Variants in ARHGAP10 observed in about 807,000 individuals in gnomAD.
The protein encoded by ARHGAP10 is rho GTPase-activating protein 10.
A neutral mutation model predicts 108.6 loss-of-function variants in ARHGAP10; 87 were observed. The observed-to-expected ratio is 0.80, with a 90% CI of 0.67 to 0.96. The LOEUF is 0.96. Ranked by LOEUF, ARHGAP10 falls within the 40% of genes least tolerant of loss-of-function variation. The pLI, the probability that ARHGAP10 is intolerant of heterozygous loss-of-function variation, is 0.00. For missense variants in ARHGAP10, 939 were observed against 954.5 expected (o/e 0.98, Z 0.21); for synonymous variants, 347 against 341.1 (o/e 1.02, Z -0.19).
At chr4:148,007,349 G>A (rs1740990373) in intron 18 of ARHGAP10, among the ~76,000 whole-genome samples, 1 of 152,204 alleles carries the variant, frequency 6.6e-6, no homozygotes, top group South Asian at 2.1e-4. Flanking sequence ...CTCTGTGGAT[G>A]TCATCAGGGA....
intron 13 of ARHGAP10, among the ~76,000 whole-genome samples, chr4:147,914,720 T>G (rs1317254805): frequency 6.6e-6 from 1 of 152,236 alleles, no homozygotes. Context: ...CCTGGTAGTA[T>G]TCCATTATAT....
At chr4:147,866,650 T>C in intron 6 of ARHGAP10, 62 bp from the exon 7 acceptor site, 1 of 1,239,382 alleles carries the variant, frequency 8.1e-7, no homozygotes, top group South Asian at 1.3e-5. Context: ...TGGTTGTTTA[T>C]ATGATTCTTT....
chr4:147,934,473 G>A (rs1737843976), intron 13 of ARHGAP10, among the ~76,000 whole-genome samples: 1 of 152,192 alleles, frequency 6.6e-6, no homozygotes, highest in African/African-American at 2.4e-5. Context: ...CACCATCTTG[G>A]TGATGCCACT....
intron 18 of ARHGAP10, among the ~76,000 whole-genome samples, chr4:147,968,410 A>C (rs1361075596): frequency 1.3e-5 from 2 of 152,264 alleles, no homozygotes; most frequent in Non-Finnish European, 2.9e-5. Flanking sequence ...TCTTGGGATC[A>C]CAGGCTGCTG....
chr4:147,938,126 C>T (rs1385533251), intron 13 of ARHGAP10, among the ~76,000 whole-genome samples: 3 of 152,148 alleles, frequency 2.0e-5, no homozygotes, highest in African/African-American at 7.2e-5. Flanking sequence ...AAACCAAACA[C>T]TGCATGTTCT....
intron 1 of ARHGAP10, among the ~76,000 whole-genome samples, chr4:147,803,306 G>A (rs1490075024): frequency 2.0e-5 from 3 of 152,162 alleles, no homozygotes; most frequent in African/African-American, 7.2e-5. Flanking sequence ...ACTGCATCCA[G>A]CCTATTTATT....
intron 13 of ARHGAP10, among the ~76,000 whole-genome samples, chr4:147,917,850 G>T (rs537487777): frequency 4.0e-5 from 6 of 150,870 alleles, no homozygotes; most frequent in Admixed American, 4.0e-4. Context: ...TCTTAAAGTC[G>T]CATTTATTAA....
intron 13 of ARHGAP10, among the ~76,000 whole-genome samples, chr4:147,939,318 C>G (rs1304957650): frequency 6.6e-6 from 1 of 152,132 alleles, no homozygotes; most frequent in East Asian, 1.9e-4. Flanking sequence ...TTTGAAGTTT[C>G]ACAGCTCCTC....
intron 1 of ARHGAP10, among the ~76,000 whole-genome samples, chr4:147,821,720 A>C (rs1362758337): frequency 6.6e-6 from 1 of 152,190 alleles, no homozygotes; most frequent in Non-Finnish European, 1.5e-5. Context: ...TTTTATTACC[A>C]TAATATGACT....
chr4:148,052,080 G>A (rs13127241), intron 20 of ARHGAP10, among the ~76,000 whole-genome samples: 22,559 of 152,090 alleles, frequency 0.15, 1,815 homozygotes, highest in South Asian at 0.21. Context: ...ACAGTAAACT[G>A]TGAATGATTT....
rs1403315402 is a variant in ARHGAP10, at chr4:147,788,288, T to TA, written c.155-34430dup. On this transcript the variant is annotated intron_variant, in intron 1 of 22. Transcript: ENST00000336498. ...GGTGAAACCCTGTCTCTATTAAAAA[T>TA]AAAAAAAAATTAGCCAGGTGTGGTG... is the stretch of plus-strand genomic sequence containing the variant. Among the ~76,000 whole-genome samples the TA allele has an allele frequency of 1.1e-4, 17 of 151,164 alleles. No homozygotes were observed. In the East Asian group the frequency reaches 1.4e-3, roughly 12 times the overall value.
chr4:147,891,390 C>A (rs1173359318), intron 10 of ARHGAP10, among the ~76,000 whole-genome samples: 1 of 152,140 alleles, frequency 6.6e-6, no homozygotes, highest in Non-Finnish European at 1.5e-5. Flanking sequence ...ATGAAATGTG[C>A]AGGACAGACA....
chr4:147,843,409 G>A (rs1733496709), intron 3 of ARHGAP10, among the ~76,000 whole-genome samples: 1 of 152,190 alleles, frequency 6.6e-6, no homozygotes, highest in African/African-American at 2.4e-5. Context: ...TCACCTGTCA[G>A]TCATAAATCA....
chr4:147,993,332 G>A (rs1036499468), intron 18 of ARHGAP10, among the ~76,000 whole-genome samples: 1 of 152,212 alleles, frequency 6.6e-6, no homozygotes. Flanking sequence ...TCATGAGTTA[G>A]TAATTGATTC....
At chr4:147,741,478 G>A (rs1315867425) in intron 1 of ARHGAP10, among the ~76,000 whole-genome samples, 1 of 152,104 alleles carries the variant, frequency 6.6e-6, no homozygotes, top group African/African-American at 2.4e-5. Flanking sequence ...AATGATGTTT[G>A]TATAAACACA....
chr4:148,064,960 C>T (rs1729799396), intron 22 of ARHGAP10, among the ~76,000 whole-genome samples: 2 of 152,144 alleles, frequency 1.3e-5, no homozygotes. Context: ...CATTTTTGTG[C>T]TTTACATTTT....
intron 1 of ARHGAP10, among the ~76,000 whole-genome samples, chr4:147,771,941 G>A (rs547356513): frequency 1.3e-5 from 2 of 152,064 alleles, no homozygotes; most frequent in Non-Finnish European, 2.9e-5. Flanking sequence ...ACAGGCGTGC[G>A]CCACCACGCC....
rs1036934825 is a variant in ARHGAP10, at chr4:147,752,000, C to T, written c.154+19545C>T. ...TCCCAGGTTCAAGCAATTCTCCTGC[C>T]TCAGCCTCCTGAGTAGCTAGGACTA... is the stretch of plus-strand genomic sequence containing the variant. On this transcript the variant is annotated intron_variant, in intron 1 of 22. Coordinates refer to ENST00000336498, the MANE Select transcript of ARHGAP10 (RefSeq NM_024605.4). Among the ~76,000 whole-genome samples the T allele has an allele frequency of 3.2e-4, 48 of 151,826 alleles. 1 individual carries two copies. Among genetic ancestry groups the T allele is most frequent in the Admixed American group, 1.3e-3 (20 of 15,242 alleles).
intron 18 of ARHGAP10, among the ~76,000 whole-genome samples, chr4:147,990,279 C>T (rs973995618): frequency 7.2e-5 from 11 of 152,180 alleles, no homozygotes; most frequent in Non-Finnish European, 1.6e-4. Context: ...AATCTCAGTT[C>T]CTGTATCTTT....
Sources: gnomAD v4.1 joint callset for allele counts (sites outside exome capture counted in the v4.1 genomes callset) on GRCh38, gnomAD v4.1.1 for gene constraint, MANE v1.5 for transcripts, NCBI Gene and HGNC (gene_info 2026-07-23, HGNC 2026-07-21) for gene names.